The following SLC12A6 variants were observed in gnomAD, a reference collection of about 807,000 sequenced individuals.
The protein encoded by SLC12A6 is solute carrier family 12 member 6.
SLC12A6 carries 66 observed loss-of-function variants against 135.3 expected under a neutral mutation model. That is an observed-to-expected ratio of 0.49 (90% CI 0.40 to 0.60). The LOEUF (loss-of-function observed/expected upper bound fraction) is 0.60. Ranked by LOEUF, SLC12A6 falls within the 20% of genes least tolerant of loss-of-function variation. The pLI is 0.00. For missense variants in SLC12A6, 1,058 were observed against 1,452.3 expected, an observed-to-expected ratio of 0.73 and a Z score of 4.41; for synonymous variants, 513 against 508.8, an observed-to-expected ratio of 1.01 and a Z score of -0.11.
intron 2 of SLC12A6, among the ~76,000 whole-genome samples, chr15:34,289,904 T>C (rs922612763): frequency 1.3e-5 from 2 of 152,054 alleles, no homozygotes; most frequent in Non-Finnish European, 2.9e-5. Flanking sequence ...CAGTCTATTT[T>C]GTTGATCTTT....
chr15:34,271,981 T>C lies in SLC12A6; in HGVS notation c.316+3364A>G, dbSNP rs568098695. On this transcript the variant is annotated intron_variant, in intron 3 of 25. Coordinates refer to ENST00000354181, the MANE Select transcript of SLC12A6 (RefSeq NM_001365088.1). ...TTTTTTTTTCTTTTTCTTTTTTTGT[T>C]TTTGTTTTTTTTGAGACAGAGTCTC... 7.2e-5 allele frequency among the ~76,000 whole-genome samples: 11 copies of C among 152,044 alleles called. No homozygotes were observed. In the South Asian group the frequency reaches 2.3e-3, roughly 32 times the overall value.
chr15:34,267,637 G>T (rs555526160), intron 3 of SLC12A6, among the ~76,000 whole-genome samples: 1 of 152,296 alleles, frequency 6.6e-6, no homozygotes, highest in South Asian at 2.1e-4. Context: ...CTGCTTGAGG[G>T]CAGGAGTTTG....
rs376139789 is a variant in SLC12A6 at position 34,293,957 on chromosome 15, A to C, written c.272-18568T>G. Among the ~76,000 whole-genome samples the C allele has an allele frequency of 1.5e-4, 23 of 152,324 alleles. No homozygotes were observed. The East Asian group carries it at 1.9e-3, about 13-fold the overall frequency. On this transcript the variant is annotated intron_variant, in intron 2 of 25. Coordinates refer to ENST00000354181, the MANE Select transcript of SLC12A6 (RefSeq NM_001365088.1). ...TGAAATAGAGAATCACACACACACA[A>C]AAATGGCTCACACATTAATATTTCA...
At chr15:34,269,790 G>C (rs183992408) in intron 3 of SLC12A6, among the ~76,000 whole-genome samples, 2 of 152,058 alleles carry the variant, frequency 1.3e-5, no homozygotes, top group South Asian at 4.2e-4. Context: ...GTACTTCTAG[G>C]AGGGTAGGGA....
intron 8 of SLC12A6, 87 bp downstream of exon 8, chr15:34,255,175 C>T (rs1374559451): frequency 1.9e-6 from 2 of 1,076,164 alleles, no homozygotes; most frequent in East Asian, 4.8e-5. Flanking sequence ...ATTCCCACAG[C>T]TGATCTCTCA....
chr15:34,234,366 TTTTTC>T (rs1314144065), intron 25 of SLC12A6, among the ~76,000 whole-genome samples: 7 of 152,042 alleles, frequency 4.6e-5, no homozygotes, highest in African/African-American at 1.7e-4. Context: ...TTTTTAAACC[TTTTTC>T]TTTTCTTTCT....
At chr15:34,270,833 A>G (rs1294914960) in intron 3 of SLC12A6, among the ~76,000 whole-genome samples, 1 of 100,776 alleles carries the variant, frequency 9.9e-6, no homozygotes, top group African/African-American at 4.3e-5. Context: ...ACAAAAAACA[A>G]AAAAAAAAAA....
intron 16 of SLC12A6, 151 bp from the exon 17 acceptor site, chr15:34,242,372 T>C: frequency 1.6e-6 from 1 of 630,522 alleles, no homozygotes; most frequent in Non-Finnish European, 2.7e-6. Context: ...GCAATAAAAA[T>C]GAATTATTCG....
At chr15:34,299,647 T>C (rs1297740753) in intron 2 of SLC12A6, 1 of 152,212 alleles carries the variant, frequency 6.6e-6, no homozygotes, top group Non-Finnish European at 1.5e-5. Context: ...GAAGATTGTT[T>C]GCTAGGTAAC....
At position 34,252,331 on chromosome 15, in the gene SLC12A6, G is replaced by A. The variant is rs758731032; in HGVS notation, c.1172C>T (p.Ser391Phe). ...CATGTTGTTAATTTCCTTGGTCTTA[G>A]AGCAAACGTCAATGTGTCTTGATGA... is the stretch of plus-strand genomic sequence containing the variant. The part of the protein sequence containing the change: ...TLSSRHIDVC[S>F]KTKEINNMTV... Residue 391 changes from serine to phenylalanine, a missense_variant, in exon 10 of 26, where the codon TCT becomes TTT. Around this residue, in one of 6 missense-constraint regions of SLC12A6, gnomAD observed 297 missense variants for 318.5 expected, o/e 0.93. Transcript: ENST00000354181. The A allele has an allele frequency of 6.2e-7, 1 of 1,613,232 alleles. No homozygotes were observed. The highest frequency in any genetic ancestry group is 1.1e-5 in the South Asian group (1 of 91,042).
intron 9 of SLC12A6, among the ~76,000 whole-genome samples, chr15:34,253,036 T>C (rs1371280760): frequency 1.3e-5 from 2 of 152,204 alleles, no homozygotes; most frequent in African/African-American, 4.8e-5. Flanking sequence ...ACGGTAAGGA[T>C]AACATAAATA....
intron 3 of SLC12A6, 47 bp from the exon 4 acceptor site, chr15:34,261,067 C>T (rs368565015): frequency 5.0e-5 from 47 of 947,902 alleles, no homozygotes; most frequent in East Asian, 3.6e-4. Context: ...TGGTTTCTGA[C>T]GAAGAAACAT....
upstream of SLC12A6, chr15:34,337,831 C>G (rs1397292567): frequency 6.6e-6 from 1 of 152,186 alleles, no homozygotes; most frequent in Non-Finnish European, 1.5e-5. Flanking sequence ...GGCTGGCGCC[C>G]CCTCCCCGGC....
intron 2 of SLC12A6, among the ~76,000 whole-genome samples, chr15:34,312,588 A>T (rs1424503247): frequency 6.6e-6 from 1 of 152,192 alleles, no homozygotes; most frequent in East Asian, 1.9e-4. Flanking sequence ...GTCAAGAAAG[A>T]CGTAAGGAAA....
chr15:34,315,940 AAAAAC>A (rs553281405), intron 2 of SLC12A6, among the ~76,000 whole-genome samples: 16 of 152,088 alleles, frequency 1.1e-4, no homozygotes, highest in Non-Finnish European at 1.9e-4. Context: ...ACCATCTCAA[AAAAAC>A]AAAACAAAAC....
chr15:34,298,062 A>G (rs1387531563), intron 2 of SLC12A6, among the ~76,000 whole-genome samples: 1 of 152,184 alleles, frequency 6.6e-6, no homozygotes, highest in Non-Finnish European at 1.5e-5. Flanking sequence ...TGTCAGGTAC[A>G]TGCTAGGCAC....
rs950314263 is a variant in SLC12A6, at chr15:34,232,218, G to A, written c.*1663C>T. ...TAAATAAAAAGCTGAGCTTACACAA[G>A]TATTTCCTTGGCACACTGAACTTTC... is the stretch of plus-strand genomic sequence containing the variant. On this transcript the variant is annotated 3_prime_UTR_variant, in exon 26 of 26. Coordinates refer to ENST00000354181, the MANE Select transcript of SLC12A6 (RefSeq NM_001365088.1). 17 of 152,240 alleles carry A rather than the reference G, an allele frequency of 1.1e-4. No homozygotes were observed. Among genetic ancestry groups the A allele is most frequent in the African/African-American group, 3.1e-4 (13 of 41,552 alleles). 9.4% of individuals were successfully genotyped at this position (152,240 alleles called of 1,614,324 possible).
Position 34,250,826 on chromosome 15 carries a change from A to C in SLC12A6, c.1492+73T>G, listed in dbSNP as rs1283244565. The C allele has an allele frequency of 2.8e-6, 4 of 1,426,434 alleles. No homozygotes were observed. In the East Asian group the frequency reaches 9.1e-5, roughly 32 times the overall value. The allele number at this position is 1,426,434 out of a possible 1,614,324, so 88.4% of individuals were successfully genotyped here. A position where few individuals can be genotyped will look rare whatever the true frequency, so the allele number is the denominator to read the frequency against. On this transcript the variant is annotated intron_variant, in intron 11 of 25. Coordinates refer to ENST00000354181, the MANE Select transcript of SLC12A6 (RefSeq NM_001365088.1). ...TAGAAGCAAATCTAGGAACCCTGAG[A>C]ATTCTGCCTCCTGAGAAAAATCACT...
chr15:34,261,634 G>GA (rs1893139764), intron 3 of SLC12A6, among the ~76,000 whole-genome samples: 1 of 151,908 alleles, frequency 6.6e-6, no homozygotes. Flanking sequence ...AGTTTAGGAG[G>GA]AAAAAAAGAT....
Sources: gnomAD v4.1 joint callset for allele counts (sites outside exome capture counted in the v4.1 genomes callset) on GRCh38, gnomAD v4.1.1 for gene constraint, gnomAD v4.1.1 regional missense constraint, MANE v1.5 for transcripts, NCBI Gene and HGNC (gene_info 2026-07-23, HGNC 2026-07-21) for gene names.